The following LCORL variants were observed in gnomAD, a reference collection of about 807,000 sequenced individuals.
LCORL encodes the protein ligand dependent nuclear receptor corepressor like.
LCORL carries 41 observed loss-of-function variants against 141.8 expected under a neutral mutation model. The observed-to-expected ratio is 0.29, with a 90% confidence interval of 0.23 to 0.38. The LOEUF is 0.38. Ranked by LOEUF, LCORL falls within the 10% of genes least tolerant of loss-of-function variation. The pLI is 1.00. For missense variants in LCORL, 1,759 were observed against 2,035.0 expected (o/e 0.86, Z 2.61); for synonymous variants, 618 against 694.1 (o/e 0.89, Z 1.72).
intron 6 of LCORL, chr4:17,881,527 G>A (rs1233963130): frequency 1.1e-6 from 1 of 893,162 alleles, no homozygotes; most frequent in Non-Finnish European, 1.3e-6. Flanking sequence ...CTAAAATGCT[G>A]CAAATTAACT....
chr4:17,999,874 G>A lies in LCORL; in HGVS notation c.154+21724C>T, dbSNP rs77281692. Reference sequence around the variant, plus strand: ...CAACACTCAAGACTACCCATGAAGAGCACATACTAAGTCTGCTACAAATAA... The same window carrying A: ...CAACACTCAAGACTACCCATGAAGAACACATACTAAGTCTGCTACAAATAA... On this transcript the variant is annotated intron_variant, in intron 1 of 7. Transcript: ENST00000635767. Among the ~76,000 whole-genome samples the A allele has an allele frequency of 3.3e-3, 496 of 152,228 alleles. 7 individuals carry two copies. The highest frequency in any genetic ancestry group is 0.024 in the Admixed American group (373 of 15,300).
At chr4:17,918,115 C>T (rs1733746934) in intron 4 of LCORL, among the ~76,000 whole-genome samples, 1 of 152,154 alleles carries the variant, frequency 6.6e-6, no homozygotes, top group Non-Finnish European at 1.5e-5. Context: ...GATCACTAAG[C>T]TAACTAGGTG....
At chr4:18,019,594 T>C (rs1052564435) in intron 1 of LCORL, among the ~76,000 whole-genome samples, 4 of 152,200 alleles carry the variant, frequency 2.6e-5, no homozygotes, top group Admixed American at 1.3e-4. Flanking sequence ...ATCCAATGAA[T>C]TGTGTTTCAT....
intron 1 of LCORL, among the ~76,000 whole-genome samples, chr4:17,992,061 C>T (rs927931390): frequency 1.3e-5 from 2 of 152,154 alleles, no homozygotes; most frequent in South Asian, 4.1e-4. Context: ...TTGATATTCC[C>T]TAATCTGCTT....
At chr4:17,965,558 T>C (rs1446610342) in intron 2 of LCORL, among the ~76,000 whole-genome samples, 2 of 152,156 alleles carry the variant, frequency 1.3e-5, no homozygotes, top group Non-Finnish European at 2.9e-5. Flanking sequence ...TTAAAACTAA[T>C]AGTCAATGAA....
At chr4:17,870,140 C>T (rs1489180993) in intron 7 of LCORL, among the ~76,000 whole-genome samples, 1 of 152,220 alleles carries the variant, frequency 6.6e-6, no homozygotes, top group East Asian at 1.9e-4. Flanking sequence ...CAATATTCCA[C>T]ATATGCTTGC....
chr4:17,896,193 A>G (rs750973683), intron 5 of LCORL, among the ~76,000 whole-genome samples: 1 of 152,164 alleles, frequency 6.6e-6, no homozygotes, highest in Non-Finnish European at 1.5e-5. Context: ...ATCTTTGCCA[A>G]CACTTCTTGT....
chr4:17,950,458 T>C (rs1228944654), intron 4 of LCORL, among the ~76,000 whole-genome samples: 2 of 152,200 alleles, frequency 1.3e-5, no homozygotes, highest in Non-Finnish European at 2.9e-5. Context: ...ATGATGAATA[T>C]CTGATGTGGG....
exon 7 of LCORL, chr4:17,875,092 A>C (rs1726774987): frequency 8.1e-7 from 1 of 1,233,488 alleles, no homozygotes; most frequent in Admixed American, 4.2e-5. Context: ...ATTTGAGTGC[A>C]CTGTTGGTCA....
At chr4:17,892,929 A>G (rs1729336558) in intron 5 of LCORL, among the ~76,000 whole-genome samples, 1 of 152,226 alleles carries the variant, frequency 6.6e-6, no homozygotes, top group African/African-American at 2.4e-5. Context: ...TATTTAAAAC[A>G]TGGTTTGTAT....
chr4:17,890,874 T>A (rs1247666372), intron 5 of LCORL, among the ~76,000 whole-genome samples: 1 of 152,036 alleles, frequency 6.6e-6, no homozygotes, highest in Non-Finnish European at 1.5e-5. Context: ...ATAAACTGTT[T>A]TCTTTCCTGT....
chr4:17,953,480 A>G (rs946509385), intron 4 of LCORL, among the ~76,000 whole-genome samples: 4 of 152,216 alleles, frequency 2.6e-5, no homozygotes, highest in African/African-American at 7.2e-5. Context: ...AATAATGACT[A>G]AACATTTCTG....
At chr4:17,982,074 T>G (rs187101582) in intron 1 of LCORL, among the ~76,000 whole-genome samples, 1 of 151,652 alleles carries the variant, frequency 6.6e-6, no homozygotes, top group East Asian at 1.9e-4. Flanking sequence ...AGCTTGTTCT[T>G]TTTCATGGCT....
In LCORL at chr4:17,842,224, CAA is replaced by C. The variant is rs1285178114; in HGVS notation, c.*3662_*3663del. ...GTTGAAAGGATTGTTGTGTTGAAGA[CAA>C]AGGATTTAGTTAGCCTAGAAACTAG... is the stretch of plus-strand genomic sequence containing the variant. On this transcript the variant is annotated 3_prime_UTR_variant, in exon 8 of 8. Coordinates refer to ENST00000635767, the Ensembl canonical transcript of LCORL. 6 of 1,148,292 alleles carry C rather than the reference CAA, an allele frequency of 5.2e-6. No individual in the cohort carries two copies. The South Asian group carries it at 5.2e-5, about 10-fold the overall frequency. 71.1% of individuals were successfully genotyped at this position (1,148,292 alleles called of 1,614,324 possible). A position where few individuals can be genotyped will look rare whatever the true frequency, so the allele number is the denominator to read the frequency against.
chr4:17,935,402 T>C (rs540637538), intron 4 of LCORL, among the ~76,000 whole-genome samples: 3 of 152,312 alleles, frequency 2.0e-5, no homozygotes, highest in East Asian at 1.9e-4. Context: ...AGATGTTCTG[T>C]CCCCTCCAAA....
At chr4:17,927,068 A>G (rs1200054390) in intron 4 of LCORL, among the ~76,000 whole-genome samples, 1 of 152,220 alleles carries the variant, frequency 6.6e-6, no homozygotes, top group Non-Finnish European at 1.5e-5. Flanking sequence ...TGTTTGGTAC[A>G]GCCACCTTCA....
intron 1 of LCORL, among the ~76,000 whole-genome samples, chr4:17,983,752 G>A (rs1012826739): frequency 3.3e-5 from 5 of 151,960 alleles, no homozygotes; most frequent in African/African-American, 9.7e-5. Flanking sequence ...ATTTGGATGT[G>A]CTTTATTTCT....
At chr4:17,876,116 A>G in exon 7 of LCORL, 1 of 1,231,006 alleles carries the variant, frequency 8.1e-7, no homozygotes, top group South Asian at 4.1e-5. Context: ...GTTTGATAGG[A>G]CTAGAATAGT....
chr4:17,971,297 T>C (rs1468869510), intron 2 of LCORL, among the ~76,000 whole-genome samples: 3 of 152,022 alleles, frequency 2.0e-5, no homozygotes, highest in Non-Finnish European at 4.4e-5. Flanking sequence ...AAAAATAGAA[T>C]GAGTCAATAT....
Sources: allele counts gnomAD v4.1 joint callset (sites outside exome capture counted in the v4.1 genomes callset), GRCh38; gene constraint gnomAD v4.1.1; transcripts MANE v1.5; gene names NCBI Gene and HGNC (gene_info 2026-07-23, HGNC 2026-07-21).